HERC1: variants seen among roughly 807,000 people sequenced by gnomAD.
HERC1 encodes the protein HECT and RLD domain containing E3 ubiquitin protein ligase family member 1.
A neutral mutation model predicts 554.3 loss-of-function variants in HERC1; 160 were observed. The ratio of observed to expected loss-of-function variants is 0.29; its 90% CI spans 0.25 to 0.33. The LOEUF (loss-of-function observed/expected upper bound fraction) is 0.33. HERC1 is among the 10% of genes least tolerant of loss of function. The probability of loss-of-function intolerance (pLI) is 1.00; values close to 1 mark genes in which losing one functional copy is unlikely to be tolerated. For missense variants in HERC1, 4,919 were observed against 5,918.5 expected (o/e 0.83, Z 5.54); for synonymous variants, 2,175 against 2,131.7 (o/e 1.02, Z -0.56).
In HERC1 at chr15:63,731,580, T is replaced by C. The variant is rs556269903; in HGVS notation, c.2868+1344A>G. Among the ~76,000 whole-genome samples, 5 of 152,360 alleles carry C rather than the reference T, an allele frequency of 3.3e-5. No homozygotes were observed. The East Asian group carries it at 9.6e-4, about 29-fold the overall frequency. On this transcript the variant is annotated intron_variant, in intron 14 of 77. Coordinates refer to ENST00000443617, the MANE Select transcript of HERC1 (RefSeq NM_003922.4). ...TTACTCCTTAACATCAGATTAAATTTACATTTTTAAATCTGAAAGAAAAGA... is the reference window on the plus strand; with the variant it reads ...TTACTCCTTAACATCAGATTAAATTCACATTTTTAAATCTGAAAGAAAAGA...
At chr15:63,676,351 C>G (rs922035610) in intron 37 of HERC1, among the ~76,000 whole-genome samples, 3 of 152,126 alleles carry the variant, frequency 2.0e-5, no homozygotes, top group East Asian at 3.8e-4. Flanking sequence ...TCCATTAACC[C>G]CTGAAATTGT....
intron 1 of HERC1, among the ~76,000 whole-genome samples, chr15:63,825,453 C>A (rs2077862699): frequency 6.6e-6 from 1 of 152,102 alleles, no homozygotes; most frequent in Admixed American, 6.5e-5. Context: ...ATACAGCAAT[C>A]ATTTCACTAT....
intron 12 of HERC1, among the ~76,000 whole-genome samples, chr15:63,743,554 T>C (rs1426313245): frequency 6.6e-6 from 1 of 151,788 alleles, no homozygotes; most frequent in Non-Finnish European, 1.5e-5. Context: ...TGAGCCACCA[T>C]GCCCAGCTCA....
In HERC1 at chr15:63,630,603, G is replaced by A. The variant is rs750593480; in HGVS notation, c.12829C>T (p.Arg4277Cys). Reference sequence around the variant, plus strand: ...ATTTGTTGCGGTCGATTGTGATTGCGAGCACGCCCCTCTGGCAAGCCTATC... The same window carrying A: ...ATTTGTTGCGGTCGATTGTGATTGCAAGCACGCCCCTCTGGCAAGCCTATC... Reference protein sequence around the residue: ...RLIGLPEGRARNHNRPQQIPV... With the variant: ...RLIGLPEGRACNHNRPQQIPV... The change falls in exon 69 of 78, where the codon CGC becomes TGC. Residue 4277 changes from arginine to cysteine, a missense_variant. Physicochemically the swap from Arg to Cys is radical, Grantham distance 180. Coordinates refer to ENST00000443617, the MANE Select transcript of HERC1 (RefSeq NM_003922.4). 3 of 1,612,730 alleles carry A rather than the reference G, an allele frequency of 1.9e-6. No homozygotes were observed. The highest frequency in any genetic ancestry group is 2.5e-6 in the Non-Finnish European group (3 of 1,179,454).
chr15:63,739,347 G>A (rs986113095), intron 12 of HERC1, among the ~76,000 whole-genome samples: 5 of 151,588 alleles, frequency 3.3e-5, no homozygotes, highest in Non-Finnish European at 5.9e-5. Context: ...ACAAGCACAC[G>A]CCACAACGCC....
At chr15:63,657,103 C>T (rs563131460) in intron 48 of HERC1, among the ~76,000 whole-genome samples, 8 of 152,208 alleles carry the variant, frequency 5.3e-5, no homozygotes, top group African/African-American at 7.2e-5. Context: ...TTGATACTAT[C>T]GAACAGTTTT....
chr15:63,678,923 T>C (rs75464731), intron 36 of HERC1, among the ~76,000 whole-genome samples: 4,673 of 152,268 alleles, frequency 0.031, 232 homozygotes, highest in African/African-American at 0.11. Context: ...ACACTAATAA[T>C]AGCATCTGTC....
intron 1 of HERC1, among the ~76,000 whole-genome samples, chr15:63,815,079 C>A (rs2077451169): frequency 6.6e-6 from 1 of 152,118 alleles, no homozygotes; most frequent in Non-Finnish European, 1.5e-5. Context: ...ATCTACCTCC[C>A]CTAGAAGTAT....
intron 34 of HERC1, among the ~76,000 whole-genome samples, chr15:63,683,354 G>T (rs1183751482): frequency 6.6e-6 from 1 of 152,042 alleles, no homozygotes; most frequent in African/African-American, 2.4e-5. Flanking sequence ...GTGGGTTTTT[G>T]CTATGATTTT....
chr15:63,691,415 G>C (rs2072101137), intron 31 of HERC1, among the ~76,000 whole-genome samples: 1 of 151,962 alleles, frequency 6.6e-6, no homozygotes, highest in South Asian at 2.1e-4. Flanking sequence ...GCAGTGAGTT[G>C]AGATCACACC....
At chr15:63,664,881 A>G (rs764005203) in intron 42 of HERC1, among the ~76,000 whole-genome samples, 1 of 152,202 alleles carries the variant, frequency 6.6e-6, no homozygotes, top group Non-Finnish European at 1.5e-5. Context: ...CTAAATCCTA[A>G]AAGATTAAAT....
At chr15:63,729,763 C>T (rs2074198125) in intron 14 of HERC1, 114 bp from the exon 15 acceptor site, 2 of 989,396 alleles carry the variant, frequency 2.0e-6, no homozygotes, top group South Asian at 3.2e-5. Context: ...TGACTCACAC[C>T]TGTAATCCCA....
Position 63,727,927 on chromosome 15 carries a change from C to A in HERC1, c.3155-89G>T. The A allele has an allele frequency of 1.0e-6, 1 of 975,032 alleles. No homozygotes were observed. Among genetic ancestry groups the A allele is most frequent in the South Asian group, 1.7e-5 (1 of 60,246 alleles). The allele number at this position is 975,032 out of a possible 1,614,324, so 60.4% of individuals were successfully genotyped here. A position where few individuals can be genotyped will look rare whatever the true frequency, so the allele number is the denominator to read the frequency against. On this transcript the variant is annotated intron_variant, in intron 16 of 77. Transcript: ENST00000443617. The surrounding 1 kb of genome is among the most constrained non-coding windows in gnomAD (Gnocchi z 4.3). ...TAATAAATATTATTTTAGCTTGGAA[C>A]TAGAGTAGACTCATTCAACAACTCT...
At chr15:63,695,263 C>A (rs533923423) in intron 27 of HERC1, among the ~76,000 whole-genome samples, 4 of 152,254 alleles carry the variant, frequency 2.6e-5, no homozygotes, top group Non-Finnish European at 5.9e-5. Flanking sequence ...TTTTAAACTC[C>A]TGAGCTCAAG....
At chr15:63,644,831 T>TA (rs1367011134) in intron 57 of HERC1, among the ~76,000 whole-genome samples, 161 bp downstream of exon 57, 1 of 152,238 alleles carries the variant, frequency 6.6e-6, no homozygotes, top group Admixed American at 6.5e-5. Flanking sequence ...CTCTGATTTA[T>TA]AAAAAATTAA....
intron 1 of HERC1, among the ~76,000 whole-genome samples, chr15:63,808,672 C>T (rs532728234): frequency 2.6e-5 from 4 of 152,268 alleles, no homozygotes; most frequent in South Asian, 2.1e-4. Context: ...CAGTCTGTTA[C>T]GGTAATAGAT....
rs549711670 is a variant in HERC1, at chr15:63,783,306, C to T, written c.-26-7657G>A. On this transcript the variant is annotated intron_variant, in intron 1 of 77. Transcript: ENST00000443617. ...AGTAATCCCAACCTTTCAGCAACCCCCATCCCGATCAGTCAGCAGCCATTA... is the reference window on the plus strand; with the variant it reads ...AGTAATCCCAACCTTTCAGCAACCCTCATCCCGATCAGTCAGCAGCCATTA... Among the ~76,000 whole-genome samples the T allele has an allele frequency of 3.4e-4, 52 of 152,228 alleles. 1 individual carries two copies. The South Asian group carries it at 0.01, about 30-fold the overall frequency.
At chr15:63,713,955 C>A (rs8024505) in intron 22 of HERC1, among the ~76,000 whole-genome samples, 1 of 152,102 alleles carries the variant, frequency 6.6e-6, no homozygotes, top group Non-Finnish European at 1.5e-5. Flanking sequence ...TTATTTTCAA[C>A]GTACGGTCCC....
chr15:63,759,120 T>C (rs2075526041), intron 3 of HERC1, among the ~76,000 whole-genome samples: 1 of 152,156 alleles, frequency 6.6e-6, no homozygotes, highest in Non-Finnish European at 1.5e-5. Context: ...TTTTTATTAC[T>C]TCCTTAGTAG....
Sources: allele counts gnomAD v4.1 joint callset (sites outside exome capture counted in the v4.1 genomes callset), GRCh38; gene constraint gnomAD v4.1.1; non-coding constraint Gnocchi (gnomAD v3.1); transcripts MANE v1.5; gene names NCBI Gene and HGNC (gene_info 2026-07-23, HGNC 2026-07-21).